ZNF831: variants seen among roughly 807,000 people sequenced by gnomAD.
ZNF831 encodes the protein zinc finger protein 831, also known as chromosome 20 open reading frame 174.
A neutral mutation model predicts 95.8 loss-of-function variants in ZNF831; 59 were observed. That is an observed-to-expected ratio of 0.62 (90% CI 0.50 to 0.77). The LOEUF is 0.77. ZNF831 is among the 30% of genes least tolerant of loss of function. The pLI, the probability that ZNF831 is intolerant of heterozygous loss-of-function variation, is 0.00. For missense variants in ZNF831, 2,205 were observed against 2,164.0 expected (o/e 1.02, Z -0.38); for synonymous variants, 961 against 925.5 (o/e 1.04, Z -0.70).
intron 1 of ZNF831, among the ~76,000 whole-genome samples, chr20:59,168,233 C>T (rs1981439709): frequency 6.6e-6 from 1 of 152,070 alleles, no homozygotes; most frequent in Admixed American, 6.5e-5. Flanking sequence ...CACAATATGC[C>T]TCTTTATTAT....
chr20:59,254,661 T>G lies in ZNF831; in HGVS notation c.4952T>G (p.Leu1651Arg). 6.2e-7 allele frequency: 1 copy of G among 1,614,086 alleles called. No homozygotes were observed. The highest frequency in any genetic ancestry group is 8.5e-7 in the Non-Finnish European group (1 of 1,180,028). ...TCTAAATCCCTCAAGAAGAGGAGTC[T>G]GGAAGGAATGAGAAAGCAAACTCGA... ...APSKSLKKRS[L>R]EGMRKQTRVE... is the part of the protein sequence containing the mutation. The change falls in exon 6 of 6, where the codon CTG (leucine) becomes CGG (arginine). Residue 1651 changes from leucine to arginine, a missense_variant. By Grantham distance (102) the Leu-to-Arg change is moderately radical. Coordinates refer to ENST00000371030, the MANE Select transcript of ZNF831 (RefSeq NM_178457.3). This position sits in a 1 kb window ranked among gnomAD's most constrained non-coding sequence, Gnocchi z 4.5.
At position 59,193,595 on chromosome 20, in the gene ZNF831, A is replaced by G; in HGVS notation, c.2576A>G (p.Asp859Gly). The G allele has an allele frequency of 6.2e-7, 1 of 1,611,702 alleles. No individual in the cohort carries two copies. The highest frequency in any genetic ancestry group is 8.5e-7 in the Non-Finnish European group (1 of 1,179,072). ...QPASLSSQKQ[D>G]ADPGEVPGGS... ...GCCTCTTTGTCATCCCAGAAGCAGG[A>G]TGCCGATCCCGGGGAGGTGCCAGGG... The change falls in exon 2 of 6, where the codon GAT (aspartate) becomes GGT (glycine). Residue 859 changes from aspartate to glycine, a missense_variant. Physicochemically the swap from Asp to Gly is moderately conservative, Grantham distance 94. Coordinates refer to ENST00000371030, the MANE Select transcript of ZNF831 (RefSeq NM_178457.3).
chr20:59,247,383 A>G (rs889932525), intron 4 of ZNF831, among the ~76,000 whole-genome samples: 3 of 152,218 alleles, frequency 2.0e-5, no homozygotes, highest in African/African-American at 7.2e-5. Context: ...TATAATTATC[A>G]TGTGGGTGTG....
chr20:59,156,108 A>G (rs1980523881), intron 2 of ZNF831, among the ~76,000 whole-genome samples: 1 of 152,260 alleles, frequency 6.6e-6, no homozygotes, highest in Non-Finnish European at 1.5e-5. Flanking sequence ...CTTTAGGGAT[A>G]AGTATGCACC....
Position 59,193,013 on chromosome 20 carries a change from C to A in ZNF831, c.1994C>A (p.Ala665Glu), listed in dbSNP as rs187364372. Reference sequence around the variant, plus strand: ...GGCTTTCCTCTGCAGAAAGAGGCAGCAGGGAGCTCAGGCACAGTCCCCACC... The same window carrying A: ...GGCTTTCCTCTGCAGAAAGAGGCAGAAGGGAGCTCAGGCACAGTCCCCACC... ...ELGFPLQKEA[A>E]GSSGTVPTQD... The change falls in exon 2 of 6, where the codon GCA (alanine) becomes GAA (glutamate). Residue 665 changes from alanine (A) to glutamate (E), a missense_variant. Ala to Glu is a moderately radical substitution (Grantham distance 107). Coordinates refer to ENST00000371030, the MANE Select transcript of ZNF831 (RefSeq NM_178457.3). 3 of 1,573,640 alleles carry A rather than the reference C, an allele frequency of 1.9e-6. No individual in the cohort carries two copies. In the African/African-American group the frequency reaches 4.1e-5, roughly 21 times the overall value.
intron 1 of ZNF831, among the ~76,000 whole-genome samples, chr20:59,166,529 G>A (rs1436486374): frequency 2.0e-5 from 3 of 152,008 alleles, no homozygotes; most frequent in South Asian, 4.1e-4. Context: ...TTCTGTCACC[G>A]CAAGGATGCG....
chr20:59,194,744 C>T lies in ZNF831; in HGVS notation c.3725C>T (p.Ala1242Val), dbSNP rs767254726. 5 of 1,563,632 alleles carry T rather than the reference C, an allele frequency of 3.2e-6. No homozygotes were observed. In the East Asian group the frequency reaches 6.7e-5, roughly 21 times the overall value. Residue 1242 changes from alanine to valine, a missense_variant, in exon 2 of 6, where the codon GCG becomes GTG. By Grantham distance (64) the Ala-to-Val change is moderately conservative. Coordinates refer to ENST00000371030, the MANE Select transcript of ZNF831 (RefSeq NM_178457.3). ...TWTSPGEGGP[A>V]QMSKFSYPTV... is the part of the protein sequence containing the mutation. ...ACAAGCCCTGGAGAAGGAGGGCCGGCGCAGATGTCCAAGGTAAAGCTGGGC... is the reference window on the plus strand; with the variant it reads ...ACAAGCCCTGGAGAAGGAGGGCCGGTGCAGATGTCCAAGGTAAAGCTGGGC...
At chr20:59,238,239 G>A (rs1600671768) in intron 4 of ZNF831, among the ~76,000 whole-genome samples, 1 of 152,026 alleles carries the variant, frequency 6.6e-6, no homozygotes. Context: ...CTGCTCAGTC[G>A]GCCTGGGGCC....
chr20:59,243,518 T>C (rs1455233726), intron 4 of ZNF831, among the ~76,000 whole-genome samples: 2 of 152,216 alleles, frequency 1.3e-5, no homozygotes, highest in Admixed American at 6.5e-5. Flanking sequence ...TTGGTGTTTG[T>C]TGTGCCCCAT....
intron 1 of ZNF831, among the ~76,000 whole-genome samples, chr20:59,130,499 A>C (rs1384844201): frequency 6.6e-6 from 1 of 152,132 alleles, no homozygotes; most frequent in Non-Finnish European, 1.5e-5. Flanking sequence ...CCAGAAAAAG[A>C]AGTTTGAGGC....
intron 4 of ZNF831, among the ~76,000 whole-genome samples, chr20:59,237,104 A>C (rs1877908637): frequency 6.6e-6 from 1 of 152,132 alleles, no homozygotes; most frequent in Non-Finnish European, 1.5e-5. Context: ...AAGGTTTCTC[A>C]CCCAGAAAGA....
chr20:59,137,749 G>A (rs1979555113), intron 1 of ZNF831, among the ~76,000 whole-genome samples: 1 of 152,202 alleles, frequency 6.6e-6, no homozygotes, highest in Admixed American at 6.5e-5. Flanking sequence ...ACTGGGTGGA[G>A]GGACCTGGCA....
chr20:59,135,545 C>T (rs1021084604), intron 1 of ZNF831, among the ~76,000 whole-genome samples: 17 of 152,250 alleles, frequency 1.1e-4, no homozygotes, highest in South Asian at 2.1e-4. Context: ...TCCTGGCTAA[C>T]GTGATGAAAC....
intron 1 of ZNF831, among the ~76,000 whole-genome samples, chr20:59,180,190 C>A (rs921670860): frequency 2.6e-5 from 4 of 152,044 alleles, no homozygotes; most frequent in African/African-American, 4.8e-5. Flanking sequence ...TCAGTTCAAG[C>A]GGTTTTCCCA....
At chr20:59,201,604 TATATTTAGGTCTATAATTC>T (rs1212950277) in intron 3 of ZNF831, among the ~76,000 whole-genome samples, 1 of 152,230 alleles carries the variant, frequency 6.6e-6, no homozygotes, top group Non-Finnish European at 1.5e-5. Flanking sequence ...TTTTAAGTTT[TATATTTAGGTCTATAATTC>T]ATTTTCACTT....
intron 4 of ZNF831, among the ~76,000 whole-genome samples, chr20:59,231,897 C>T (rs185357803): frequency 1.4e-4 from 21 of 152,260 alleles, no homozygotes; most frequent in Admixed American, 9.8e-4. Context: ...TGGTGAGCTA[C>T]GGTAATAACA....
rs531807718 is a variant in ZNF831, at chr20:59,193,832, C to A, written c.2813C>A (p.Ser938Tyr). The change falls in exon 2 of 6, where the codon TCC becomes TAC. Residue 938 changes from serine (S) to tyrosine (Y), a missense_variant. By Grantham distance (144) the Ser-to-Tyr change is moderately radical. Transcript: ENST00000371030. ...VLSALADNAF[S>Y]PKYLLRLPQA... ...TCTGCCCTGGCAGATAATGCCTTTT[C>A]CCCCAAGTACCTCCTCAGGTTACCT... 1.2e-6 allele frequency: 2 copies of A among 1,613,124 alleles called. No individual in the cohort carries two copies.
rs373093201 is a variant in ZNF831 at position 59,251,069 on chromosome 20, A to T, written c.4028-1909A>T. Among the ~76,000 whole-genome samples, 12 of 152,338 alleles carry T rather than the reference A, an allele frequency of 7.9e-5. No homozygotes were observed. In the East Asian group the frequency reaches 9.6e-4, roughly 12 times the overall value. ...GAGAGTATAAGTGTTCTTGCCAAAA[A>T]AAGATAAGCCTATGGGCTAATACAT... On this transcript the variant is annotated intron_variant, in intron 4 of 5. Transcript: ENST00000371030.
chr20:59,128,729 T>C (rs1427172030), intron 1 of ZNF831, among the ~76,000 whole-genome samples: 1 of 152,092 alleles, frequency 6.6e-6, no homozygotes, highest in African/African-American at 2.4e-5. Flanking sequence ...TGGTAAGAAA[T>C]GGATGTACTT....
Sources: allele counts gnomAD v4.1 joint callset (sites outside exome capture counted in the v4.1 genomes callset), GRCh38; gene constraint gnomAD v4.1.1; non-coding constraint Gnocchi (gnomAD v3.1); transcripts MANE v1.5; gene names NCBI Gene and HGNC (gene_info 2026-07-23, HGNC 2026-07-21).